The following PRKAG2 variants were observed in gnomAD, a reference collection of about 807,000 sequenced individuals.
The protein encoded by PRKAG2 is protein kinase AMP-activated non-catalytic subunit gamma 2.
In PRKAG2, 26 loss-of-function variants were observed where a neutral mutation model predicts 69.6. The ratio of observed to expected loss-of-function variants is 0.37; its 90% CI spans 0.27 to 0.52. The LOEUF is 0.52. Among genes scored for constraint, PRKAG2 ranks in the 20% least tolerant of loss-of-function variants. PRKAG2 has a pLI of 0.90. For missense variants in PRKAG2, 557 were observed against 740.0 expected, an observed-to-expected ratio of 0.75 and a Z score of 2.87; for synonymous variants, 293 against 285.0, an observed-to-expected ratio of 1.03 and a Z score of -0.28.
intron 4 of PRKAG2, 81 bp downstream of exon 4, chr7:151,675,339 G>C: frequency 7.3e-7 from 1 of 1,375,382 alleles, no homozygotes; most frequent in Non-Finnish European, 1.0e-6. Context: ...GCTGCAGATA[G>C]ACTGCTCAGC....
chr7:151,663,714 T>C (rs1265133187), intron 4 of PRKAG2, among the ~76,000 whole-genome samples: 1 of 152,180 alleles, frequency 6.6e-6, no homozygotes, highest in African/African-American at 2.4e-5. Flanking sequence ...GACAAATAAC[T>C]AATTCCACTG....
chr7:151,596,680 C>T (rs1172652561), intron 5 of PRKAG2, among the ~76,000 whole-genome samples: 1 of 151,730 alleles, frequency 6.6e-6, no homozygotes, highest in Non-Finnish European at 1.5e-5. Context: ...ACCTGGGAGG[C>T]GGAGGTTGTA....
chr7:151,572,507 C>T (rs931622830), intron 9 of PRKAG2, 157 bp downstream of exon 9: 2 of 608,278 alleles, frequency 3.3e-6, no homozygotes, highest in Admixed American at 2.9e-5. Context: ...AGCTTTAGTA[C>T]AGTAGCATAC....
At chr7:151,711,967 C>T (rs1413433480) in intron 3 of PRKAG2, among the ~76,000 whole-genome samples, 1 of 152,230 alleles carries the variant, frequency 6.6e-6, no homozygotes, top group Non-Finnish European at 1.5e-5. Flanking sequence ...CCAGAAGCCG[C>T]CCTCCTCTGG....
chr7:151,662,411 TC>T (rs762110578), intron 4 of PRKAG2, among the ~76,000 whole-genome samples: 1 of 151,928 alleles, frequency 6.6e-6, no homozygotes, highest in Non-Finnish European at 1.5e-5. Context: ...AACTGGAGAG[TC>T]CCCCTAGAGT....
chr7:151,581,996 G>C (rs963797459), intron 6 of PRKAG2, among the ~76,000 whole-genome samples: 1 of 152,184 alleles, frequency 6.6e-6, no homozygotes, highest in African/African-American at 2.4e-5. Context: ...GAAAGTATAC[G>C]GGGTAATAAT....
chr7:151,862,813 A>G (rs1330226607), intron 1 of PRKAG2, among the ~76,000 whole-genome samples: 15 of 132,806 alleles, frequency 1.1e-4, no homozygotes, highest in South Asian at 2.5e-4. Context: ...GGGTACAGGG[A>G]GCACTGTTAG....
chr7:151,666,629 A>C (rs550881893), intron 4 of PRKAG2, among the ~76,000 whole-genome samples: 1 of 152,258 alleles, frequency 6.6e-6, no homozygotes, highest in African/African-American at 2.4e-5. Flanking sequence ...GGGGCTGCCT[A>C]ATCTGAAGGC....
At chr7:151,595,312 AC>A (rs754623244) in intron 6 of PRKAG2, 32 bp downstream of exon 6, 6 of 1,485,010 alleles carry the variant, frequency 4.0e-6, no homozygotes. Flanking sequence ...TCCAAAAAAT[AC>A]CAAAAAATTC....
intron 6 of PRKAG2, among the ~76,000 whole-genome samples, chr7:151,591,070 C>T (rs1585087456): frequency 6.6e-6 from 1 of 152,334 alleles, no homozygotes; most frequent in East Asian, 1.9e-4. Context: ...CCTGCACATT[C>T]CATACCCAGA....
At chr7:151,747,604 A>G (rs981718150) in intron 3 of PRKAG2, among the ~76,000 whole-genome samples, 1 of 152,196 alleles carries the variant, frequency 6.6e-6, no homozygotes, top group African/African-American at 2.4e-5. Context: ...TAAAGTATGT[A>G]ATGCATCTGA....
chr7:151,830,409 AAG>A (rs2078996909), intron 1 of PRKAG2, among the ~76,000 whole-genome samples: 1 of 151,864 alleles, frequency 6.6e-6, no homozygotes, highest in Non-Finnish European at 1.5e-5. Context: ...GCAGGCAGAG[AAG>A]AGAGAGGCCG....
intron 5 of PRKAG2, among the ~76,000 whole-genome samples, chr7:151,630,082 AG>A (rs1317975233): frequency 6.6e-6 from 1 of 152,206 alleles, no homozygotes; most frequent in Non-Finnish European, 1.5e-5. Context: ...AATCTAGAAA[AG>A]TTTGACAGGG....
chr7:151,825,639 C>T (rs2078889605), intron 1 of PRKAG2, among the ~76,000 whole-genome samples: 1 of 152,186 alleles, frequency 6.6e-6, no homozygotes, highest in African/African-American at 2.4e-5. Context: ...CCTGTTTTTT[C>T]CCCTTTCATG....
intron 5 of PRKAG2, among the ~76,000 whole-genome samples, chr7:151,599,083 C>T (rs1462802787): frequency 6.6e-6 from 1 of 152,062 alleles, no homozygotes; most frequent in East Asian, 1.9e-4. Context: ...AACTCCTGAC[C>T]TCAGGTGATC....
intron 4 of PRKAG2, among the ~76,000 whole-genome samples, chr7:151,633,326 G>A (rs1039732533): frequency 6.6e-6 from 1 of 152,056 alleles, no homozygotes; most frequent in Non-Finnish European, 1.5e-5. Flanking sequence ...GTGAAAGACT[G>A]TTTTCCCTAT....
In PRKAG2 at chr7:151,658,177, A is replaced by AT. The variant is rs568006389; in HGVS notation, c.684+17242dup. Among the ~76,000 whole-genome samples the AT allele has an allele frequency of 1.6e-4, 23 of 147,000 alleles. No homozygotes were observed. In the South Asian group the frequency reaches 5.0e-3, roughly 32 times the overall value. ...GTCTCATAAATAAATAAATAAATAA[A>AT]TAAATAAATAAATAAATAAGAATAA... On this transcript the variant is annotated intron_variant, in intron 4 of 15. Transcript: ENST00000287878.
rs976559615 is a variant in PRKAG2 at position 151,836,754 on chromosome 7, G to A, written c.114+39753C>T. On this transcript the variant is annotated intron_variant, in intron 1 of 15. Transcript: ENST00000287878. This position sits in a 1 kb window ranked among gnomAD's most constrained non-coding sequence, Gnocchi z 4.1. ...ACTGTGAGGTAGGACCTAGCCCCTC[G>A]GGTCCCCTGCCCTCTCCTCCTGGCA... Among the ~76,000 whole-genome samples the A allele has an allele frequency of 5.9e-5, 9 of 152,062 alleles. No homozygotes were observed. The highest frequency in any genetic ancestry group is 3.9e-4 in the East Asian group (2 of 5,182).
In PRKAG2 at chr7:151,835,413, C is replaced by T. The variant is rs141763397; in HGVS notation, c.114+41094G>A. ...CTCCCTATGTTGCCCAGGCTGGTCT[C>T]GAACTCCTTGGCTCAAGTGATCCTC... On this transcript the variant is annotated intron_variant, in intron 1 of 15. Transcript: ENST00000287878. The surrounding 1 kb of genome is among the most constrained non-coding windows in gnomAD (Gnocchi z 4.1). Among the ~76,000 whole-genome samples, 11,362 of 151,880 alleles carry T rather than the reference C, an allele frequency of 0.075. 794 individuals are homozygous for T. Among genetic ancestry groups the T allele is most frequent in the East Asian group, 0.35 (1,784 of 5,136 alleles).
Sources: gnomAD v4.1 joint callset for allele counts (sites outside exome capture counted in the v4.1 genomes callset) on GRCh38, gnomAD v4.1.1 for gene constraint, Gnocchi (gnomAD v3.1) non-coding constraint, MANE v1.5 for transcripts, NCBI Gene and HGNC (gene_info 2026-07-23, HGNC 2026-07-21) for gene names.